Variants in SLCO6A1 observed in about 807,000 individuals in gnomAD.
The protein encoded by SLCO6A1 is cancer/testis antigen 48.
Under a neutral mutation model 72.7 loss-of-function variants are expected in SLCO6A1, and 65 were observed. The ratio of observed to expected loss-of-function variants is 0.89; its 90% CI spans 0.73 to 1.10. SLCO6A1 has a LOEUF of 1.10. Among genes scored for constraint, SLCO6A1 ranks in the 50% least tolerant of loss-of-function variants. The pLI is 0.00. For synonymous variants in SLCO6A1, 314 were observed against 298.2 expected, an observed-to-expected ratio of 1.05 and a Z score of -0.55; for missense variants, 874 against 872.6, an observed-to-expected ratio of 1.00 and a Z score of -0.02.
intron 10 of SLCO6A1, among the ~76,000 whole-genome samples, chr5:102,394,056 A>C (rs1746923314): frequency 6.6e-6 from 1 of 152,158 alleles, no homozygotes. Flanking sequence ...AGCGTGCATC[A>C]AGAATTTGGC....
intron 12 of SLCO6A1, among the ~76,000 whole-genome samples, chr5:102,376,370 G>A (rs187980675): frequency 1.6e-3 from 242 of 151,978 alleles, no homozygotes; most frequent in South Asian, 6.0e-3. Context: ...ATATGTACAC[G>A]TACACATACA....
rs761430226 is a variant in SLCO6A1 at position 102,480,161 on chromosome 5, T to A, written c.616+16A>T. The A allele has an allele frequency of 1.3e-6, 2 of 1,586,082 alleles. No individual in the cohort carries two copies. The highest frequency in any genetic ancestry group is 1.1e-5 in the South Asian group (1 of 87,722). On this transcript the variant is annotated intron_variant, in intron 2 of 13. Transcript: ENST00000506729. ...AATATTGATTTGATGTATGACAGTA[T>A]ATTTTAAAACCTTACCTTCAATTCC...
At chr5:102,375,805 T>C (rs1745751548) in intron 12 of SLCO6A1, among the ~76,000 whole-genome samples, 1 of 151,924 alleles carries the variant, frequency 6.6e-6, no homozygotes, top group Non-Finnish European at 1.5e-5. Flanking sequence ...TATCAAGTGA[T>C]CACACATATA....
intron 6 of SLCO6A1, among the ~76,000 whole-genome samples, chr5:102,441,132 G>A (rs1426671669): frequency 3.3e-5 from 5 of 152,084 alleles, no homozygotes; most frequent in South Asian, 2.1e-4. Flanking sequence ...CATAAAGTTC[G>A]AATTCATATT....
At chr5:102,493,062 G>A (rs1025166317) in intron 1 of SLCO6A1, among the ~76,000 whole-genome samples, 2 of 151,908 alleles carry the variant, frequency 1.3e-5, no homozygotes, top group South Asian at 4.1e-4. Context: ...AACTTAAAGT[G>A]TATTAAAAAA....
chr5:102,490,768 G>A (rs1445540748), intron 1 of SLCO6A1, among the ~76,000 whole-genome samples: 1 of 152,110 alleles, frequency 6.6e-6, no homozygotes, highest in Admixed American at 6.5e-5. Flanking sequence ...GTGGGTTCGT[G>A]GTCTCGCTGG....
intron 6 of SLCO6A1, among the ~76,000 whole-genome samples, chr5:102,448,175 A>G (rs1189702679): frequency 1.3e-5 from 2 of 152,150 alleles, no homozygotes; most frequent in African/African-American, 4.8e-5. Flanking sequence ...ATGTAATTGT[A>G]TGGTTTTGAG....
chr5:102,386,691 T>C (rs143245850), intron 12 of SLCO6A1, among the ~76,000 whole-genome samples: 57 of 152,132 alleles, frequency 3.7e-4, no homozygotes, highest in African/African-American at 1.3e-3. Flanking sequence ...TAACACAGGA[T>C]TGGGGGCATA....
chr5:102,454,216 T>C (rs1750583103), intron 6 of SLCO6A1, among the ~76,000 whole-genome samples: 1 of 152,026 alleles, frequency 6.6e-6, no homozygotes, highest in African/African-American at 2.4e-5. Context: ...ATCAACCACC[T>C]CAAGTGGCAG....
At chr5:102,404,191 A>C (rs1350603181) in intron 9 of SLCO6A1, among the ~76,000 whole-genome samples, 1 of 152,192 alleles carries the variant, frequency 6.6e-6, no homozygotes, top group Non-Finnish European at 1.5e-5. Flanking sequence ...ATGTATTCTC[A>C]AATTGCTTAA....
chr5:102,471,643 C>G (rs1339771262), intron 4 of SLCO6A1, among the ~76,000 whole-genome samples: 1 of 152,056 alleles, frequency 6.6e-6, no homozygotes, highest in African/African-American at 2.4e-5. Flanking sequence ...ATTTTAATAA[C>G]TGTGTCCAAT....
chr5:102,438,485 T>C (rs1749665013), intron 7 of SLCO6A1, 132 bp downstream of exon 7: 7 of 687,428 alleles, frequency 1.0e-5, no homozygotes, highest in Non-Finnish European at 1.5e-5. Flanking sequence ...AAAGTGCTCA[T>C]ATTTGTAAAA....
At chr5:102,473,746 CAT>C (rs1430402919) in intron 4 of SLCO6A1, among the ~76,000 whole-genome samples, 1 of 151,934 alleles carries the variant, frequency 6.6e-6, no homozygotes, top group African/African-American at 2.4e-5. Flanking sequence ...ATACACATAA[CAT>C]ATGTGTAACT....
chr5:102,431,931 A>T (rs1580415894), intron 7 of SLCO6A1, among the ~76,000 whole-genome samples: 2 of 152,314 alleles, frequency 1.3e-5, no homozygotes, highest in East Asian at 1.9e-4. Context: ...TTGAATGCAG[A>T]TATATTTAGG....
intron 6 of SLCO6A1, among the ~76,000 whole-genome samples, chr5:102,444,082 C>A (rs1749984224): frequency 6.6e-6 from 1 of 152,036 alleles, no homozygotes; most frequent in Non-Finnish European, 1.5e-5. Flanking sequence ...CATGTGCTTA[C>A]TTAGTAAGAG....
intron 8 of SLCO6A1, among the ~76,000 whole-genome samples, chr5:102,418,673 C>T (rs1207002402): frequency 6.6e-6 from 1 of 152,078 alleles, no homozygotes; most frequent in African/African-American, 2.4e-5. Context: ...TAACTCCTGG[C>T]CAGGCCATAG....
At chr5:102,487,209 A>G (rs991297440) in intron 1 of SLCO6A1, among the ~76,000 whole-genome samples, 8 of 152,202 alleles carry the variant, frequency 5.3e-5, no homozygotes, top group African/African-American at 1.9e-4. Flanking sequence ...TTTCAGCTGT[A>G]GTCTTCTAAA....
At chr5:102,399,407 C>T (rs1747274469) in intron 10 of SLCO6A1, 148 bp downstream of exon 10, 1 of 449,974 alleles carries the variant, frequency 2.2e-6, no homozygotes, top group Non-Finnish European at 3.8e-6. Context: ...TAATTATACA[C>T]ATGAATTGTG....
At chr5:102,451,819 A>T (rs904032383) in intron 6 of SLCO6A1, among the ~76,000 whole-genome samples, 1 of 151,950 alleles carries the variant, frequency 6.6e-6, no homozygotes, top group African/African-American at 2.4e-5. Context: ...TTTACTTGCC[A>T]CTCTGTCTCC....
Sources: allele counts gnomAD v4.1 joint callset (sites outside exome capture counted in the v4.1 genomes callset), GRCh38; gene constraint gnomAD v4.1.1; transcripts MANE v1.5; gene names NCBI Gene and HGNC (gene_info 2026-07-23, HGNC 2026-07-21).